MICALL2: variants seen among roughly 807,000 people sequenced by gnomAD.
MICALL2 encodes MICAL like 2.
Under a neutral mutation model 91.1 loss-of-function variants are expected in MICALL2, and 111 were observed. The observed-to-expected ratio is 1.22, with a 90% confidence interval of 1.04 to 1.43. MICALL2 has a LOEUF of 1.43. Ranked by LOEUF, MICALL2 falls within the 40% of genes most tolerant of loss-of-function variation. MICALL2 has a pLI of 0.00. For synonymous variants in MICALL2, 694 were observed against 525.3 expected (o/e 1.32, Z -4.39); for missense variants, 1,556 against 1,236.0 (o/e 1.26, Z -3.88).
intron 1 of MICALL2, among the ~76,000 whole-genome samples, chr7:1,455,686 C>A (rs540253260): frequency 2.8e-4 from 43 of 152,060 alleles, no homozygotes; most frequent in Non-Finnish European, 3.2e-4. Context: ...GGGTGCCCCA[C>A]CTGGCTGGCC....
At chr7:1,450,775 C>T (rs1204014342) in intron 1 of MICALL2, among the ~76,000 whole-genome samples, 1 of 152,232 alleles carries the variant, frequency 6.6e-6, no homozygotes, top group Non-Finnish European at 1.5e-5. Context: ...GCCAGCCACG[C>T]TGCCCCCGAG....
intron 3 of MICALL2, 84 bp downstream of exon 3, chr7:1,448,536 C>A: frequency 6.9e-7 from 1 of 1,446,676 alleles, no homozygotes; most frequent in Non-Finnish European, 9.6e-7. Flanking sequence ...GGGCATGGAC[C>A]CCAAAAAGTC....
chr7:1,434,393 C>G lies in MICALL2; in HGVS notation c.*203G>C, dbSNP rs1263604425. The stretch of plus-strand genomic sequence containing the variant: ...ATGTGGTCGGTTTCTTTATTGAGAC[C>G]ACAGACGGTAGCGCAGGTCCCTGCT... On this transcript the variant is annotated 3_prime_UTR_variant, in exon 17 of 17. Transcript: ENST00000297508. 2 of 686,948 alleles carry G rather than the reference C, an allele frequency of 2.9e-6. No individual in the cohort carries two copies. The highest frequency in any genetic ancestry group is 5.3e-6 in the Non-Finnish European group (2 of 375,588). The allele number at this position is 686,948 out of a possible 1,614,324, so 42.6% of individuals were successfully genotyped here. A position where few individuals can be genotyped will look rare whatever the true frequency, so the allele number is the denominator to read the frequency against.
Position 1,444,661 on chromosome 7 carries a change from G to A in MICALL2, c.1409C>T (p.Ala470Val), listed in dbSNP as rs762631256. 41 of 1,609,994 alleles carry A rather than the reference G, an allele frequency of 2.5e-5. No homozygotes were observed. Among genetic ancestry groups the A allele is most frequent in the South Asian group, 3.3e-5 (3 of 91,020 alleles). Residue 470 changes from alanine (A) to valine (V), a missense_variant, in exon 6 of 17, where the codon GCG becomes GTG. Ala to Val is a moderately conservative substitution (Grantham distance 64). Coordinates refer to ENST00000297508, the MANE Select transcript of MICALL2 (RefSeq NM_182924.4). ...LSALEEAGAPAPGRPSPATAA... is the reference protein window; with the variant it reads ...LSALEEAGAPVPGRPSPATAA... ...GTCCCCACGCGCTCACCTGCCAGGCGCCGGAGCGCCAGCCTCTTCCAGCGC... is the reference window on the plus strand; with the variant it reads ...GTCCCCACGCGCTCACCTGCCAGGCACCGGAGCGCCAGCCTCTTCCAGCGC...
At chr7:1,446,690 G>GT (rs1562461825) in intron 5 of MICALL2, 23 bp downstream of exon 5, 1 of 1,542,380 alleles carries the variant, frequency 6.5e-7, no homozygotes, top group Admixed American at 1.8e-5. Flanking sequence ...ACACTCAGGC[G>GT]TGCGGGCAGA....
chr7:1,438,548 C>T (rs920737692), intron 10 of MICALL2, 195 bp from the exon 11 acceptor site: 2 of 1,429,700 alleles, frequency 1.4e-6, no homozygotes, highest in African/African-American at 1.4e-5. Context: ...CCAGCCCCAC[C>T]CTGCACCCTG....
intron 12 of MICALL2, 28 bp from the exon 13 acceptor site, chr7:1,438,008 G>A: frequency 6.4e-7 from 1 of 1,550,872 alleles, no homozygotes; most frequent in East Asian, 2.4e-5. Context: ...CTGGGGCAGG[G>A]GGGCCCGCCA....
chr7:1,437,946 G>A lies in MICALL2; in HGVS notation c.2346C>T (p.Phe782=), dbSNP rs748862201. 1.0e-5 allele frequency: 16 copies of A among 1,549,922 alleles called. No individual in the cohort carries two copies. The East Asian group carries it at 3.2e-4, about 31-fold the overall frequency. ...DAEDSLMVDW[F]WLIHEKQLLL... is the part of the protein sequence containing the mutation. ...GAAGCTGCTTCTCGTGAATGAGCCA[G>A]AACCAGTCCACCATGAGGCTATCCT... Residue 782 remains phenylalanine (F), a synonymous_variant, in exon 13 of 17, where the codon TTC becomes TTT. Transcript: ENST00000297508.
chr7:1,443,939 G>A (rs1584215339), intron 6 of MICALL2, among the ~76,000 whole-genome samples: 1 of 152,144 alleles, frequency 6.6e-6, no homozygotes, highest in East Asian at 1.9e-4. Flanking sequence ...CAGGCGCCGG[G>A]CCCAGGCATG....
In MICALL2 at chr7:1,442,237, G is replaced by C. The variant is rs1020898442; in HGVS notation, c.1666C>G (p.Pro556Ala). 5 of 1,612,820 alleles carry C rather than the reference G, an allele frequency of 3.1e-6. No individual in the cohort carries two copies. The Admixed American group carries it at 5.0e-5, about 16-fold the overall frequency. The change falls in exon 7 of 17, where the codon CCA becomes GCA. Residue 556 changes from proline (P) to alanine (A), a missense_variant. Physicochemically the swap from Pro to Ala is conservative, Grantham distance 27 (BLOSUM62 -1). Coordinates refer to ENST00000297508, the MANE Select transcript of MICALL2 (RefSeq NM_182924.4). ...TTACCCTTTGCCATCGGGGCCTCTG[G>C]CTTCGGCCTGGAGCCAGCACCCACC... ...GRVGAGSRPK[P>A]EAPMAKGKST...
intron 1 of MICALL2, among the ~76,000 whole-genome samples, chr7:1,453,019 A>T (rs1780891802): frequency 6.6e-6 from 1 of 151,292 alleles, no homozygotes; most frequent in South Asian, 2.1e-4. Context: ...GCTGTCCCCG[A>T]GCTCACACCC....
chr7:1,443,666 C>T (rs990310018), intron 6 of MICALL2, among the ~76,000 whole-genome samples: 1 of 152,152 alleles, frequency 6.6e-6, no homozygotes, highest in Non-Finnish European at 1.5e-5. Flanking sequence ...CACATGGAAA[C>T]GGAGGCAGAG....
chr7:1,439,156 G>T, intron 9 of MICALL2, 161 bp from the exon 10 acceptor site: 1 of 608,552 alleles, frequency 1.6e-6, no homozygotes, highest in South Asian at 2.1e-5. Flanking sequence ...CTACACCCAC[G>T]TCCTGCCCAA....
chr7:1,449,970 G>C (rs936822900), intron 2 of MICALL2, among the ~76,000 whole-genome samples: 1 of 152,234 alleles, frequency 6.6e-6, no homozygotes, highest in African/African-American at 2.4e-5. Context: ...AGTGAAGTAG[G>C]GTCCCCAGCC....
chr7:1,438,546 A>G (rs1780099626), intron 10 of MICALL2, 193 bp from the exon 11 acceptor site: 1 of 1,427,672 alleles, frequency 7.0e-7, no homozygotes. Flanking sequence ...GCCCAGCCCC[A>G]CCCTGCACCC....
At chr7:1,437,473 G>A in intron 14 of MICALL2, 62 bp downstream of exon 14, 1 of 1,420,270 alleles carries the variant, frequency 7.0e-7, no homozygotes, top group Non-Finnish European at 9.3e-7. Flanking sequence ...CCGGCCCCCA[G>A]ACATCCTGGG....
intron 8 of MICALL2, 97 bp downstream of exon 8, chr7:1,440,494 C>G: frequency 1.8e-6 from 2 of 1,109,236 alleles, no homozygotes; most frequent in Non-Finnish European, 2.7e-6. Flanking sequence ...TGCGTCTATC[C>G]CTGGATAGGC....
intron 15 of MICALL2, among the ~76,000 whole-genome samples, chr7:1,435,746 G>A (rs1779936726): frequency 1.3e-5 from 2 of 152,224 alleles, no homozygotes; most frequent in African/African-American, 2.4e-5. Context: ...CGTGGCCTTG[G>A]AAGTTCAAGT....
intron 14 of MICALL2, 90 bp downstream of exon 14, chr7:1,437,445 T>G (rs1780027359): frequency 1.7e-6 from 2 of 1,192,722 alleles, no homozygotes; most frequent in Admixed American, 2.9e-5. Flanking sequence ...ACCAGGACAG[T>G]CAGGTGGCCT....
Sources: allele counts gnomAD v4.1 joint callset (sites outside exome capture counted in the v4.1 genomes callset), GRCh38; gene constraint gnomAD v4.1.1; transcripts MANE v1.5; gene names NCBI Gene and HGNC (gene_info 2026-07-23, HGNC 2026-07-21).